The following PLXNA2 variants were observed in gnomAD, a reference collection of about 807,000 sequenced individuals.
PLXNA2 encodes the protein plexin-A2.
Under a neutral mutation model 193.5 loss-of-function variants are expected in PLXNA2, and 91 were observed. The ratio of observed to expected loss-of-function variants is 0.47; its 90% confidence interval spans 0.40 to 0.56. The LOEUF (loss-of-function observed/expected upper bound fraction) is 0.56, where lower values mean the gene tolerates loss of function less well. Among genes scored for constraint, PLXNA2 ranks in the 20% least tolerant of loss-of-function variants. PLXNA2 has a pLI of 0.00. For synonymous variants in PLXNA2, 997 were observed against 1,027.3 expected (o/e 0.97, Z 0.56); for missense variants, 1,995 against 2,503.2 (o/e 0.80, Z 4.33).
At chr1:208,051,483 T>C (rs908323170) in intron 15 of PLXNA2, 60 bp from the exon 16 acceptor site, 80 of 1,442,898 alleles carry the variant, frequency 5.5e-5, no homozygotes, top group Non-Finnish European at 6.7e-5. Flanking sequence ...AGGTGCCCAC[T>C]GGCTTGACAA....
chr1:208,223,530 C>T (rs561179859), intron 1 of PLXNA2, among the ~76,000 whole-genome samples: 147 of 152,244 alleles, frequency 9.7e-4, no homozygotes, highest in African/African-American at 3.4e-3. Flanking sequence ...CAAAGAGGGG[C>T]GGATTAAGGG....
At chr1:208,098,821 C>T (rs758548706) in intron 6 of PLXNA2, 25 bp downstream of exon 6, 13 of 1,611,480 alleles carry the variant, frequency 8.1e-6, no homozygotes, top group Non-Finnish European at 5.9e-6. Context: ...TTCCCTCTCC[C>T]CATGCCCCTG....
chr1:208,053,115 G>A (rs1169017522), intron 14 of PLXNA2, among the ~76,000 whole-genome samples: 5 of 152,230 alleles, frequency 3.3e-5, no homozygotes, highest in Admixed American at 2.6e-4. Flanking sequence ...TGCATCAGGT[G>A]GCTGACCTGA....
intron 13 of PLXNA2, among the ~76,000 whole-genome samples, chr1:208,056,189 C>T (rs1404602564): frequency 1.3e-5 from 2 of 152,232 alleles, no homozygotes; most frequent in Non-Finnish European, 2.9e-5. Flanking sequence ...CCCTGACATC[C>T]TGCAAACGAT....
intron 12 of PLXNA2, among the ~76,000 whole-genome samples, chr1:208,066,183 A>G (rs1469666125): frequency 6.6e-6 from 1 of 152,234 alleles, no homozygotes; most frequent in Non-Finnish European, 1.5e-5. Context: ...ACTGTGGACT[A>G]GAAGTCTATC....
chr1:208,037,540 C>A (rs1321076401), intron 26 of PLXNA2, among the ~76,000 whole-genome samples: 2 of 152,188 alleles, frequency 1.3e-5, no homozygotes, highest in Non-Finnish European at 2.9e-5. Context: ...GCCTGAGGCG[C>A]TTCCTCTAGT....
intron 9 of PLXNA2, 91 bp from the exon 10 acceptor site, chr1:208,084,671 C>T: frequency 8.0e-7 from 1 of 1,252,412 alleles, no homozygotes; most frequent in East Asian, 2.4e-5. Context: ...ATCAGGTGAG[C>T]TGCCCAAGAG....
chr1:208,176,297 G>A (rs181783352), intron 3 of PLXNA2, among the ~76,000 whole-genome samples: 1 of 152,258 alleles, frequency 6.6e-6, no homozygotes, highest in Non-Finnish European at 1.5e-5. Flanking sequence ...TGGGTAAGAA[G>A]AGGCTGTCAC....
intron 1 of PLXNA2, among the ~76,000 whole-genome samples, chr1:208,235,874 T>C (rs12126035): frequency 0.16 from 24,330 of 152,070 alleles, 2,412 homozygotes; most frequent in Middle Eastern, 0.24. Context: ...TCACTCAGAG[T>C]GGGGCGGTAG....
intron 4 of PLXNA2, among the ~76,000 whole-genome samples, chr1:208,122,782 T>G (rs1667845638): frequency 6.6e-6 from 1 of 152,168 alleles, no homozygotes; most frequent in Non-Finnish European, 1.5e-5. Flanking sequence ...AACCCTTAGA[T>G]GTACACATTG....
intron 29 of PLXNA2, 133 bp from the exon 30 acceptor site, chr1:208,029,175 G>A (rs1480173578): frequency 9.5e-6 from 14 of 1,466,320 alleles, no homozygotes; most frequent in African/African-American, 5.7e-5. Flanking sequence ...AAGAAAATGG[G>A]TCCAGCCAGG....
chr1:208,152,833 T>G (rs899332873), intron 3 of PLXNA2, among the ~76,000 whole-genome samples: 3 of 151,718 alleles, frequency 2.0e-5, no homozygotes, highest in Admixed American at 6.6e-5. Flanking sequence ...CCCAGCTTTT[T>G]CGTCTTCACG....
At chr1:208,196,261 CT>C (rs914119368) in intron 3 of PLXNA2, among the ~76,000 whole-genome samples, 27 of 152,234 alleles carry the variant, frequency 1.8e-4, no homozygotes, top group African/African-American at 6.3e-4. Flanking sequence ...AGTAAAATAC[CT>C]GTTTGGTAAT....
intron 21 of PLXNA2, 32 bp downstream of exon 21, chr1:208,043,029 C>T (rs778663261): frequency 3.7e-6 from 6 of 1,610,640 alleles, no homozygotes; most frequent in Non-Finnish European, 4.2e-6. Context: ...TGCATCCCTG[C>T]TGGGTGGCTG....
At chr1:208,048,112 C>T (rs1053013405) in intron 17 of PLXNA2, among the ~76,000 whole-genome samples, 1 of 152,152 alleles carries the variant, frequency 6.6e-6, no homozygotes, top group Non-Finnish European at 1.5e-5. Context: ...GTCTAGCTTC[C>T]CTAGACCAGG....
chr1:208,039,446 G>T (rs1206235521), intron 24 of PLXNA2, among the ~76,000 whole-genome samples, 175 bp downstream of exon 24: 1 of 152,104 alleles, frequency 6.6e-6, no homozygotes, highest in African/African-American at 2.4e-5. Context: ...TGCTTGGGAT[G>T]GGTGGGCGGG....
chr1:208,058,793 G>C (rs1198755973), intron 13 of PLXNA2, among the ~76,000 whole-genome samples: 1 of 152,212 alleles, frequency 6.6e-6, no homozygotes, highest in Non-Finnish European at 1.5e-5. Context: ...TGTGGGGTGA[G>C]TGCAGTACAT....
chr1:208,150,781 G>T (rs560603688), intron 3 of PLXNA2, among the ~76,000 whole-genome samples: 11 of 152,238 alleles, frequency 7.2e-5, no homozygotes, highest in Non-Finnish European at 1.5e-4. Context: ...CACTCACAAA[G>T]GCACCAAGCA....
intron 1 of PLXNA2, among the ~76,000 whole-genome samples, chr1:208,227,956 A>G (rs1307380982): frequency 1.3e-5 from 2 of 152,204 alleles, no homozygotes; most frequent in African/African-American, 4.8e-5. Context: ...AAAAATAATG[A>G]CACTGCTCTA....
Sources: gnomAD v4.1 joint callset for allele counts (sites outside exome capture counted in the v4.1 genomes callset) on GRCh38, gnomAD v4.1.1 for gene constraint, MANE v1.5 for transcripts, NCBI Gene and HGNC (gene_info 2026-07-23, HGNC 2026-07-21) for gene names.